Variants in ZC3H13 observed in about 807,000 individuals in gnomAD.
ZC3H13 encodes the protein zinc finger CCCH-type containing 13, also known as zinc finger CCCH domain-containing protein 13.
Under a neutral mutation model 204.1 loss-of-function variants are expected in ZC3H13, and 64 were observed. That is an observed-to-expected ratio of 0.31 (90% CI 0.26 to 0.39). The LOEUF (loss-of-function observed/expected upper bound fraction) is 0.39, where lower values mean the gene tolerates loss of function less well. Among genes scored for constraint, ZC3H13 ranks in the 10% least tolerant of loss-of-function variants. The pLI, the probability that ZC3H13 is intolerant of heterozygous loss-of-function variation, is 1.00. For missense variants in ZC3H13, 1,833 were observed against 2,082.7 expected (o/e 0.88, Z 2.33); for synonymous variants, 667 against 693.7 (o/e 0.96, Z 0.60).
chr13:46,020,803 G>C (rs1192026361), intron 4 of ZC3H13, among the ~76,000 whole-genome samples: 2 of 151,934 alleles, frequency 1.3e-5, no homozygotes, highest in Non-Finnish European at 2.9e-5. Context: ...AAGAGATGTA[G>C]ACTATACTAC....
intron 4 of ZC3H13, among the ~76,000 whole-genome samples, chr13:46,032,700 T>C (rs2139009470): frequency 6.6e-6 from 1 of 152,296 alleles, no homozygotes; most frequent in African/African-American, 2.4e-5. Context: ...ATTGCATATA[T>C]TCCCTGTAGC....
chr13:46,042,722 A>C (rs1024320001), intron 3 of ZC3H13, among the ~76,000 whole-genome samples: 26 of 152,070 alleles, frequency 1.7e-4, no homozygotes, highest in Non-Finnish European at 3.5e-4. Flanking sequence ...ATTTATACTG[A>C]AAGATATAAG....
intron 5 of ZC3H13, among the ~76,000 whole-genome samples, chr13:46,017,578 CATAA>C (rs2041988001): frequency 6.6e-6 from 1 of 151,962 alleles, no homozygotes; most frequent in Admixed American, 6.6e-5. Context: ...TGAATGAATA[CATAA>C]ATATTAAAAA....
intron 7 of ZC3H13, among the ~76,000 whole-genome samples, chr13:46,005,411 C>G (rs2041063616): frequency 6.6e-6 from 1 of 152,128 alleles, no homozygotes; most frequent in Admixed American, 6.5e-5. Flanking sequence ...TTAAATCTGT[C>G]TTTATATTCA....
At chr13:46,022,074 A>AT (rs906685134) in intron 4 of ZC3H13, among the ~76,000 whole-genome samples, 76 of 151,994 alleles carry the variant, frequency 5.0e-4, no homozygotes, top group Non-Finnish European at 8.7e-4. Context: ...AATTTGTAAC[A>AT]TTTTTTATCA....
chr13:45,965,688 AT>A (rs1736235972), intron 15 of ZC3H13, among the ~76,000 whole-genome samples: 1 of 152,196 alleles, frequency 6.6e-6, no homozygotes, highest in South Asian at 2.1e-4. Context: ...TAAGATCACA[AT>A]AAAAATATGA....
intron 8 of ZC3H13, among the ~76,000 whole-genome samples, chr13:45,996,712 T>A: frequency 7.1e-6 from 1 of 141,130 alleles, no homozygotes; most frequent in African/African-American, 2.7e-5. Context: ...TGACCCAAAG[T>A]GCAAAGAAGA....
Position 45,979,865 on chromosome 13 carries a change from A to G in ZC3H13, c.1860T>C (p.Ser620=), listed in dbSNP as rs1421911948. Residue 620 remains serine, a synonymous_variant, in exon 11 of 19, where the codon TCT becomes TCC. Coordinates refer to ENST00000679008, the MANE Select transcript of ZC3H13 (RefSeq NM_001330564.2). ...ERDNRDQARD[S]SFERRHGERD... ...GCTCTCCATGTCTTCTCTCAAAGGA[A>G]GAATCCCTTGCTTGATCTCTGTTGT... is the stretch of plus-strand genomic sequence containing the variant. 1 of 1,605,634 alleles carries G rather than the reference A, an allele frequency of 6.2e-7. No individual in the cohort carries two copies. Among genetic ancestry groups the G allele is most frequent in the East Asian group, 2.3e-5 (1 of 43,898 alleles).
chr13:46,011,792 C>T (rs1248433142), intron 5 of ZC3H13, among the ~76,000 whole-genome samples: 3 of 152,036 alleles, frequency 2.0e-5, no homozygotes, highest in African/African-American at 7.2e-5. Context: ...TTTCTGGAAA[C>T]AATTTTGGGT....
intron 12 of ZC3H13, among the ~76,000 whole-genome samples, chr13:45,972,062 A>G (rs1215204664): frequency 2.6e-5 from 4 of 152,168 alleles, no homozygotes; most frequent in African/African-American, 7.2e-5. Context: ...GGGTATGTAA[A>G]TAAGTACAAC....
At chr13:46,009,556 TAGAC>T (rs1199008658) in intron 7 of ZC3H13, among the ~76,000 whole-genome samples, 1 of 151,980 alleles carries the variant, frequency 6.6e-6, no homozygotes, top group African/African-American at 2.4e-5. Context: ...CAGGTTCAAA[TAGAC>T]AGGGCTTGTT....
intron 9 of ZC3H13, among the ~76,000 whole-genome samples, chr13:45,987,231 G>A (rs894338012): frequency 1.1e-4 from 17 of 152,050 alleles, no homozygotes; most frequent in Admixed American, 5.2e-4. Context: ...TAAATCTCCC[G>A]TATGGAAAGT....
chr13:45,961,989 GTTTC>G (rs1357353028), intron 17 of ZC3H13, among the ~76,000 whole-genome samples: 1 of 152,006 alleles, frequency 6.6e-6, no homozygotes, highest in Admixed American at 6.6e-5. Context: ...AGCTTTAGTT[GTTTC>G]TTTTAAAAAT....
intron 4 of ZC3H13, among the ~76,000 whole-genome samples, chr13:46,030,152 G>A (rs2042801973): frequency 6.8e-6 from 1 of 148,060 alleles, no homozygotes; most frequent in Non-Finnish European, 1.5e-5. Flanking sequence ...AATAGCTATA[G>A]GAAAAGCATT....
intron 4 of ZC3H13, among the ~76,000 whole-genome samples, chr13:46,026,823 C>A (rs975741662): frequency 3.3e-5 from 5 of 152,008 alleles, no homozygotes; most frequent in African/African-American, 1.2e-4. Context: ...GAACTTACAG[C>A]ATTAAAGAAC....
intron 3 of ZC3H13, among the ~76,000 whole-genome samples, chr13:46,043,626 T>C (rs1424024452): frequency 6.6e-6 from 1 of 151,970 alleles, no homozygotes; most frequent in African/African-American, 2.4e-5. Flanking sequence ...TTGCTTTTCT[T>C]ATCTTTGACT....
rs767520924 is a variant in ZC3H13 at position 45,967,660 on chromosome 13, G to A, written c.4165C>T (p.Arg1389Cys). ...TCACCTTCCAGTTTTGCTTCACAGC[G>A]TTTCACAGACTCTATTTGAGAACTC... ...FESSQIESVK[R>C]CEAKLEGEHE... The change falls in exon 15 of 19, where the codon CGC becomes TGC. Residue 1389 changes from arginine (R) to cysteine (C), a missense_variant. Arg to Cys is a radical substitution (Grantham distance 180, BLOSUM62 -3). Around this residue, in one of 5 missense-constraint regions of ZC3H13, gnomAD observed 1,574 missense variants for 1,757.2 expected, o/e 0.90. Coordinates refer to ENST00000679008, the MANE Select transcript of ZC3H13 (RefSeq NM_001330564.2). 8.1e-6 allele frequency: 13 copies of A among 1,613,920 alleles called. No homozygotes were observed. The highest frequency in any genetic ancestry group is 1.7e-5 in the Admixed American group (1 of 59,986).
intron 4 of ZC3H13, among the ~76,000 whole-genome samples, chr13:46,030,184 C>CT (rs1555297592): frequency 1.3e-5 from 2 of 152,004 alleles, no homozygotes; most frequent in South Asian, 4.1e-4. Context: ...AACACTCAGA[C>CT]TAATAAAAAC....
In ZC3H13 at chr13:45,968,964, T is replaced by G; in HGVS notation, c.3580A>C (p.Ser1194Arg). The change falls in exon 14 of 19, where the codon AGC becomes CGC. Residue 1194 changes from serine (S) to arginine (R), a missense_variant. Transcript: ENST00000679008. ...GTATGACTACGGTTACTCCGATTGC[T>G]CCCGAGGCTGCTGCTCCTCTTTTGA... ...MDQKRSSSLGSNRSNRSHTSG... is the reference protein window; with the variant it reads ...MDQKRSSSLGRNRSNRSHTSG... The G allele has an allele frequency of 1.2e-6, 2 of 1,614,218 alleles. No homozygotes were observed.
Sources: allele counts gnomAD v4.1 joint callset (sites outside exome capture counted in the v4.1 genomes callset), GRCh38; gene constraint gnomAD v4.1.1; regional missense constraint gnomAD v4.1.1; transcripts MANE v1.5; gene names NCBI Gene and HGNC (gene_info 2026-07-23, HGNC 2026-07-21).